Variants in DENND1A observed in about 807,000 individuals in gnomAD.
DENND1A encodes DENN domain containing 1A, also known as DENN domain-containing protein 1A.
DENND1A carries 51 observed loss-of-function variants against 113.7 expected under a neutral mutation model. That is an observed-to-expected ratio of 0.45 (90% CI 0.36 to 0.57). DENND1A has a LOEUF of 0.57. Ranked by LOEUF, DENND1A falls within the 20% of genes least tolerant of loss-of-function variation. The probability of loss-of-function intolerance (pLI) is 0.00; values close to 1 mark genes in which losing one functional copy is unlikely to be tolerated. For missense variants in DENND1A, 1,258 were observed against 1,395.9 expected (o/e 0.90, Z 1.57); for synonymous variants, 565 against 570.8 (o/e 0.99, Z 0.14).
chr9:123,770,706 T>C (rs1374182646), intron 3 of DENND1A, among the ~76,000 whole-genome samples: 2 of 152,222 alleles, frequency 1.3e-5, no homozygotes, highest in African/African-American at 2.4e-5. Flanking sequence ...TTTTCAGTCA[T>C]TGAAAAGCTG....
chr9:123,744,276 T>C (rs1413746806), intron 5 of DENND1A, among the ~76,000 whole-genome samples: 2 of 152,222 alleles, frequency 1.3e-5, no homozygotes, highest in Non-Finnish European at 2.9e-5. Context: ...TATAAAAATT[T>C]GTCTCTTGCT....
chr9:123,632,657 C>G (rs369175530), intron 9 of DENND1A, among the ~76,000 whole-genome samples: 2 of 152,136 alleles, frequency 1.3e-5, no homozygotes, highest in African/African-American at 4.8e-5. Flanking sequence ...GATGGCTCCA[C>G]CAGCCCACGG....
intron 8 of DENND1A, among the ~76,000 whole-genome samples, chr9:123,665,234 T>C (rs1184411579): frequency 6.6e-6 from 1 of 152,220 alleles, no homozygotes; most frequent in Non-Finnish European, 1.5e-5. Context: ...ATATTGAATA[T>C]GTGACTTAAA....
At chr9:123,673,959 G>T (rs2063892919) in intron 6 of DENND1A, among the ~76,000 whole-genome samples, 1 of 151,904 alleles carries the variant, frequency 6.6e-6, no homozygotes, top group African/African-American at 2.4e-5. Context: ...CCAGGGCTGG[G>T]CCTCTACTGC....
chr9:123,901,642 T>A (rs992821561), intron 1 of DENND1A, among the ~76,000 whole-genome samples: 5 of 152,316 alleles, frequency 3.3e-5, no homozygotes, highest in South Asian at 2.1e-4. Flanking sequence ...CTACAAACTC[T>A]AGAGTCCTCA....
chr9:123,699,415 A>G (rs753872424), intron 5 of DENND1A, among the ~76,000 whole-genome samples: 12 of 152,212 alleles, frequency 7.9e-5, no homozygotes, highest in Non-Finnish European at 1.6e-4. Context: ...ATAAGACAAC[A>G]TCTAACAGAA....
chr9:123,743,891 G>A (rs1049152760), intron 5 of DENND1A, among the ~76,000 whole-genome samples: 1 of 152,102 alleles, frequency 6.6e-6, no homozygotes, highest in South Asian at 2.1e-4. Context: ...CTAGTAAGGG[G>A]TAGAATCAAA....
At chr9:123,428,418 A>G (rs1173006882) in intron 19 of DENND1A, among the ~76,000 whole-genome samples, 2 of 152,224 alleles carry the variant, frequency 1.3e-5, no homozygotes, top group African/African-American at 2.4e-5. Context: ...AGTAAGAGCC[A>G]TATATGACAA....
At chr9:123,703,445 A>T (rs1268098035) in intron 5 of DENND1A, among the ~76,000 whole-genome samples, 1 of 152,328 alleles carries the variant, frequency 6.6e-6, no homozygotes, top group South Asian at 2.1e-4. Flanking sequence ...TGTTATAGTT[A>T]TGTTTTTTAT....
At chr9:123,532,521 T>C (rs2055405831) in intron 13 of DENND1A, among the ~76,000 whole-genome samples, 2 of 152,218 alleles carry the variant, frequency 1.3e-5, no homozygotes, top group African/African-American at 4.8e-5. Context: ...TCAAACCCTC[T>C]AGTCTTACCT....
chr9:123,712,598 G>T (rs539599470), intron 5 of DENND1A, among the ~76,000 whole-genome samples: 54 of 152,274 alleles, frequency 3.5e-4, no homozygotes, highest in African/African-American at 1.3e-3. Context: ...CCACCATGAC[G>T]ACAATGACAT....
At chr9:123,483,791 T>A (rs1382893786) in intron 13 of DENND1A, among the ~76,000 whole-genome samples, 5 of 152,332 alleles carry the variant, frequency 3.3e-5, no homozygotes, top group African/African-American at 1.2e-4. Flanking sequence ...GATAATTCCA[T>A]CTACCTCCCA....
chr9:123,717,641 G>A (rs1260904851), intron 5 of DENND1A, among the ~76,000 whole-genome samples: 7 of 152,212 alleles, frequency 4.6e-5, no homozygotes, highest in Non-Finnish European at 1.0e-4. Flanking sequence ...TATACCTCCA[G>A]TTTAAATTCC....
At chr9:123,473,247 C>T (rs562005817) in intron 13 of DENND1A, among the ~76,000 whole-genome samples, 1 of 152,156 alleles carries the variant, frequency 6.6e-6, no homozygotes, top group East Asian at 1.9e-4. Context: ...GAGAGCCAGA[C>T]AGGCTGACTG....
chr9:123,416,344 C>T (rs1588422620), intron 19 of DENND1A, among the ~76,000 whole-genome samples: 1 of 152,174 alleles, frequency 6.6e-6, no homozygotes, highest in African/African-American at 2.4e-5. Context: ...TCAACACCCC[C>T]AGCTGGTAAT....
chr9:123,478,689 G>A (rs1178989534), intron 13 of DENND1A, among the ~76,000 whole-genome samples: 1 of 152,220 alleles, frequency 6.6e-6, no homozygotes, highest in Non-Finnish European at 1.5e-5. Flanking sequence ...ATGGGATAAA[G>A]GAAGTCTAGT....
chr9:123,699,201 CTAT>C (rs2065718613), intron 5 of DENND1A, among the ~76,000 whole-genome samples: 1 of 152,038 alleles, frequency 6.6e-6, no homozygotes, highest in Non-Finnish European at 1.5e-5. Flanking sequence ...ATTACTATCA[CTAT>C]TATTAATTCC....
intron 12 of DENND1A, among the ~76,000 whole-genome samples, chr9:123,561,406 T>C (rs1427112198): frequency 6.6e-6 from 1 of 152,194 alleles, no homozygotes; most frequent in Non-Finnish European, 1.5e-5. Context: ...GGCCAGGACT[T>C]CTGAAGACCT....
chr9:123,626,249 C>G (rs2061209053), intron 10 of DENND1A, among the ~76,000 whole-genome samples: 1 of 151,988 alleles, frequency 6.6e-6, no homozygotes, highest in African/African-American at 2.4e-5. Flanking sequence ...CGGGGGGTGT[C>G]TCTCCCTGTG....
Sources: allele counts gnomAD v4.1 joint callset (sites outside exome capture counted in the v4.1 genomes callset), GRCh38; gene constraint gnomAD v4.1.1; transcripts MANE v1.5; gene names NCBI Gene and HGNC (gene_info 2026-07-23, HGNC 2026-07-21).